The following ADAMTS19 variants were observed in gnomAD, a reference collection of about 807,000 sequenced individuals.
The protein encoded by ADAMTS19 is A disintegrin and metalloproteinase with thrombospondin motifs 19.
A neutral mutation model predicts 153.3 loss-of-function variants in ADAMTS19; 93 were observed. The ratio of observed to expected loss-of-function variants is 0.61; its 90% CI spans 0.51 to 0.72. ADAMTS19 has a LOEUF of 0.72. ADAMTS19 is among the 30% of genes least tolerant of loss of function. The pLI, the probability that ADAMTS19 is intolerant of heterozygous loss-of-function variation, is 0.00. For missense variants in ADAMTS19, 1,482 were observed against 1,552.1 expected, an observed-to-expected ratio of 0.95 and a Z score of 0.76; for synonymous variants, 600 against 556.6, an observed-to-expected ratio of 1.08 and a Z score of -1.10.
At chr5:129,644,729 T>C (rs1218822033) in intron 11 of ADAMTS19, among the ~76,000 whole-genome samples, 3 of 152,198 alleles carry the variant, frequency 2.0e-5, no homozygotes, top group African/African-American at 7.2e-5. Flanking sequence ...AAATAATAAA[T>C]GTATGTATTT....
intron 2 of ADAMTS19, among the ~76,000 whole-genome samples, chr5:129,489,656 A>G (rs924980744): frequency 1.3e-5 from 2 of 152,160 alleles, no homozygotes; most frequent in African/African-American, 2.4e-5. Flanking sequence ...CTTAGACATT[A>G]ATGTGTGAAA....
intron 21 of ADAMTS19, among the ~76,000 whole-genome samples, chr5:129,721,508 G>A (rs1581262118): frequency 6.6e-6 from 1 of 152,258 alleles, no homozygotes. Context: ...ATCTGTAAAT[G>A]TCTCAAGGTA....
rs1751378195 is a variant in ADAMTS19 at position 129,509,778 on chromosome 5, CT to C, written c.913+540del. On this transcript the variant is annotated intron_variant, in intron 3 of 22. Coordinates refer to ENST00000274487, the MANE Select transcript of ADAMTS19 (RefSeq NM_133638.6). Reference sequence around the variant, plus strand: ...GTATTCAAATCCCTTAAGTCTGGAACTTTTCAGAGGCTCATAAACATTCCCA... The same window carrying C: ...GTATTCAAATCCCTTAAGTCTGGAACTTTCAGAGGCTCATAAACATTCCCA... Among the ~76,000 whole-genome samples the C allele has an allele frequency of 3.3e-5, 5 of 152,026 alleles. No individual in the cohort carries two copies. The South Asian group carries it at 1.0e-3, about 31-fold the overall frequency.
chr5:129,713,169 T>G lies in ADAMTS19; in HGVS notation c.3312+8778T>G, dbSNP rs143419474. On this transcript the variant is annotated intron_variant, in intron 21 of 22. Transcript: ENST00000274487. ...GATGGAGCATACATGCTAAATCTCA[T>G]TTTTGTGATGTTGAACCTCAAAAGG... is the stretch of plus-strand genomic sequence containing the variant. Among the ~76,000 whole-genome samples the G allele has an allele frequency of 3.3e-5, 5 of 152,330 alleles. No homozygotes were observed. In the East Asian group the frequency reaches 9.6e-4, roughly 29 times the overall value.
chr5:129,623,611 G>C (rs146801479), intron 10 of ADAMTS19, among the ~76,000 whole-genome samples: 135 of 152,226 alleles, frequency 8.9e-4, no homozygotes, highest in Admixed American at 6.2e-3. Flanking sequence ...TCTTTGGTTT[G>C]TGGTTCTTAT....
intron 7 of ADAMTS19, among the ~76,000 whole-genome samples, chr5:129,570,487 A>G (rs1319680304): frequency 3.3e-5 from 5 of 151,888 alleles, no homozygotes; most frequent in Admixed American, 1.3e-4. Context: ...AGTAAATTAA[A>G]GAAAAAATTA....
chr5:129,618,757 A>G (rs571558076), intron 8 of ADAMTS19, among the ~76,000 whole-genome samples: 3 of 152,124 alleles, frequency 2.0e-5, no homozygotes, highest in African/African-American at 7.2e-5. Flanking sequence ...ATAACAGAAA[A>G]GAGAATAATG....
intron 6 of ADAMTS19, among the ~76,000 whole-genome samples, chr5:129,549,750 A>G (rs1372829049): frequency 1.3e-5 from 2 of 150,726 alleles, no homozygotes; most frequent in African/African-American, 4.9e-5. Context: ...TTAAATATAC[A>G]TTTCTAATAT....
chr5:129,482,554 C>A (rs1157148992), intron 2 of ADAMTS19, among the ~76,000 whole-genome samples: 3 of 152,098 alleles, frequency 2.0e-5, no homozygotes, highest in Non-Finnish European at 2.9e-5. Context: ...TATCTAAAAT[C>A]AAATCATTTA....
chr5:129,722,940 T>C (rs1581263598), intron 21 of ADAMTS19, among the ~76,000 whole-genome samples: 1 of 152,208 alleles, frequency 6.6e-6, no homozygotes, highest in East Asian at 1.9e-4. Flanking sequence ...TACAATAATG[T>C]CAGAGTTAAG....
rs1027040429 is a variant in ADAMTS19, at chr5:129,640,294, C to T, written c.1771-1565C>T. ...GTAAATTGTTGTTAAAAAAAGCTTA[C>T]AAACAGTTCAGAAATCTAAAGTATA... On this transcript the variant is annotated intron_variant, in intron 10 of 22. Coordinates refer to ENST00000274487, the MANE Select transcript of ADAMTS19 (RefSeq NM_133638.6). Among the ~76,000 whole-genome samples the T allele has an allele frequency of 6.6e-5, 10 of 151,994 alleles. 1 individual carries two copies. Among genetic ancestry groups the T allele is most frequent in the Admixed American group, 6.6e-4 (10 of 15,254 alleles).
At chr5:129,625,595 G>A (rs1348412103) in intron 10 of ADAMTS19, among the ~76,000 whole-genome samples, 7 of 152,172 alleles carry the variant, frequency 4.6e-5, no homozygotes, top group African/African-American at 1.7e-4. Flanking sequence ...GATGGCCAGT[G>A]ATAATGAGCA....
At chr5:129,637,881 C>T (rs1346888693) in intron 10 of ADAMTS19, among the ~76,000 whole-genome samples, 1 of 152,012 alleles carries the variant, frequency 6.6e-6, no homozygotes, top group Admixed American at 6.6e-5. Flanking sequence ...AACCAACTAC[C>T]ACATGTTCTC....
At chr5:129,467,414 C>T (rs1397762879) in intron 2 of ADAMTS19, among the ~76,000 whole-genome samples, 1 of 152,080 alleles carries the variant, frequency 6.6e-6, no homozygotes, top group African/African-American at 2.4e-5. Context: ...GCGTCAGAAA[C>T]AAATTTATCA....
intron 3 of ADAMTS19, among the ~76,000 whole-genome samples, chr5:129,515,513 T>C (rs1181794529): frequency 6.6e-6 from 1 of 151,940 alleles, no homozygotes; most frequent in Non-Finnish European, 1.5e-5. Flanking sequence ...CTTTCACTTC[T>C]TTGGTTAATT....
At chr5:129,591,633 T>C (rs965933072) in intron 7 of ADAMTS19, among the ~76,000 whole-genome samples, 4 of 151,944 alleles carry the variant, frequency 2.6e-5, no homozygotes, top group Non-Finnish European at 5.9e-5. Context: ...TTTTTGCACC[T>C]TCACTGCTTG....
At chr5:129,501,794 C>T (rs1751115705) in intron 2 of ADAMTS19, among the ~76,000 whole-genome samples, 1 of 151,798 alleles carries the variant, frequency 6.6e-6, no homozygotes, top group Non-Finnish European at 1.5e-5. Flanking sequence ...GCCTTGTAAA[C>T]AGGCCTATTA....
intron 3 of ADAMTS19, among the ~76,000 whole-genome samples, chr5:129,525,843 T>A (rs558532814): frequency 3.3e-5 from 5 of 152,014 alleles, no homozygotes; most frequent in Non-Finnish European, 7.4e-5. Flanking sequence ...TGCCTGAAAT[T>A]AGGATGTGTG....
chr5:129,470,644 G>A (rs1750030274), intron 2 of ADAMTS19, among the ~76,000 whole-genome samples: 1 of 152,120 alleles, frequency 6.6e-6, no homozygotes, highest in South Asian at 2.1e-4. Flanking sequence ...GGTGGTGTTG[G>A]GAAGTACCTT....
Sources: gnomAD v4.1 joint callset for allele counts (sites outside exome capture counted in the v4.1 genomes callset) on GRCh38, gnomAD v4.1.1 for gene constraint, MANE v1.5 for transcripts, NCBI Gene and HGNC (gene_info 2026-07-23, HGNC 2026-07-21) for gene names.